The following CTNNA2 variants were observed in gnomAD, a reference collection of about 807,000 sequenced individuals.
CTNNA2 encodes catenin alpha-2.
In CTNNA2, 42 loss-of-function variants were observed where a neutral mutation model predicts 101.0. The ratio of observed to expected loss-of-function variants is 0.42; its 90% confidence interval spans 0.32 to 0.54. The LOEUF (loss-of-function observed/expected upper bound fraction) is 0.54. Among genes scored for constraint, CTNNA2 ranks in the 20% least tolerant of loss-of-function variants. The pLI is 0.14. For missense variants in CTNNA2, 871 were observed against 1,223.1 expected (o/e 0.71, Z 4.29); for synonymous variants, 450 against 456.4 (o/e 0.99, Z 0.18).
At chr2:80,378,122 C>G (rs563868739) in intron 7 of CTNNA2, among the ~76,000 whole-genome samples, 1 of 151,888 alleles carries the variant, frequency 6.6e-6, no homozygotes, top group African/African-American at 2.4e-5. Flanking sequence ...TTTGGTAGGC[C>G]GAGGTGGGCG....
At chr2:80,104,201 C>T (rs536023384) in intron 7 of CTNNA2, among the ~76,000 whole-genome samples, 26 of 152,310 alleles carry the variant, frequency 1.7e-4, no homozygotes, top group Admixed American at 4.6e-4. Flanking sequence ...TAGCTCCGCT[C>T]AAGAGTTGGT....
At chr2:79,343,806 T>C (rs934167971) in intron 3 of CTNNA2, among the ~76,000 whole-genome samples, 1 of 152,068 alleles carries the variant, frequency 6.6e-6, no homozygotes, top group Admixed American at 6.6e-5. Context: ...TTTCTGAACC[T>C]AACTCTTCAG....
chr2:80,062,906 C>T (rs1283824880), intron 7 of CTNNA2, among the ~76,000 whole-genome samples: 1 of 151,936 alleles, frequency 6.6e-6, no homozygotes, highest in African/African-American at 2.4e-5. Flanking sequence ...GGGGTTTCAC[C>T]GTGTTAGCTA....
intron 2 of CTNNA2, among the ~76,000 whole-genome samples, chr2:79,274,755 A>C (rs1355435026): frequency 6.6e-6 from 1 of 152,068 alleles, no homozygotes; most frequent in Non-Finnish European, 1.5e-5. Context: ...ATATAGATTT[A>C]ATAAAAATTT....
chr2:80,510,847 C>G (rs957988342), intron 9 of CTNNA2, among the ~76,000 whole-genome samples: 38 of 152,224 alleles, frequency 2.5e-4, no homozygotes, highest in African/African-American at 9.1e-4. Context: ...GTCCTCTACC[C>G]CTTGTTCCAC....
At chr2:80,072,714 A>G (rs2148782459) in intron 7 of CTNNA2, among the ~76,000 whole-genome samples, 1 of 152,256 alleles carries the variant, frequency 6.6e-6, no homozygotes, top group East Asian at 1.9e-4. Context: ...TCAGTGAATT[A>G]TTGTGGGCAA....
In CTNNA2 at chr2:80,647,831, G is replaced by A. The variant is rs751260243; in HGVS notation, c.2821G>A (p.Val941Ile). The part of the protein sequence containing the change: ...RGSQKKHISP[V>I]QALSEFKAMD... ...TTCTCAGAAGAAACACATTTCGCCT[G>A]TACAGGCTTTAAGTGAATTCAAAGC... The change falls in exon 19 of 19, where the codon GTA (valine) becomes ATA (isoleucine). Residue 941 changes from valine to isoleucine, a missense_variant. Coordinates refer to ENST00000402739, the MANE Select transcript of CTNNA2 (RefSeq NM_001282597.3). The A allele has an allele frequency of 1.4e-5, 22 of 1,612,974 alleles. No homozygotes were observed. The highest frequency in any genetic ancestry group is 1.6e-5 in the Non-Finnish European group (19 of 1,179,224).
intron 9 of CTNNA2, among the ~76,000 whole-genome samples, chr2:80,467,988 A>C (rs937364116): frequency 1.3e-5 from 2 of 152,202 alleles, no homozygotes; most frequent in Non-Finnish European, 2.9e-5. Context: ...ATACAAACAT[A>C]ATAGAATATA....
intron 7 of CTNNA2, among the ~76,000 whole-genome samples, chr2:79,948,063 A>C (rs578005985): frequency 6.6e-6 from 1 of 152,352 alleles, no homozygotes; most frequent in Admixed American, 6.5e-5. Flanking sequence ...CACACAGCAG[A>C]GTGCCTTATG....
At position 79,605,429 on chromosome 2, in the gene CTNNA2, C is replaced by T. The variant is rs183843831; in HGVS notation, c.-5-46123C>T. 3.3e-5 allele frequency among the ~76,000 whole-genome samples: 5 copies of T among 151,068 alleles called. No homozygotes were observed. In the East Asian group the frequency reaches 5.8e-4, roughly 18 times the overall value. On this transcript the variant is annotated intron_variant, in intron 1 of 18. Coordinates refer to ENST00000402739, the MANE Select transcript of CTNNA2 (RefSeq NM_001282597.3). The stretch of plus-strand genomic sequence containing the variant: ...CTGAATTTGATGAAGACTATAAAAC[C>T]GGAGATCAAAGAAGTGAAACAAACT...
At chr2:79,945,825 A>G (rs769285958) in intron 7 of CTNNA2, among the ~76,000 whole-genome samples, 3 of 152,156 alleles carry the variant, frequency 2.0e-5, no homozygotes, top group Non-Finnish European at 4.4e-5. Context: ...CCAAGAATCC[A>G]ATGGTCAAGA....
At chr2:79,941,086 C>T (rs542580822) in intron 7 of CTNNA2, among the ~76,000 whole-genome samples, 1 of 152,310 alleles carries the variant, frequency 6.6e-6, no homozygotes, top group East Asian at 1.9e-4. Context: ...TTTGTGGCTG[C>T]CAGGTCCAGC....
chr2:79,317,389 T>C (rs919835523), intron 3 of CTNNA2, among the ~76,000 whole-genome samples: 1 of 152,056 alleles, frequency 6.6e-6, no homozygotes, highest in African/African-American at 2.4e-5. Context: ...TATCTTTGTC[T>C]GAATTTAGTA....
chr2:79,732,123 A>G (rs1043836309), intron 2 of CTNNA2, among the ~76,000 whole-genome samples: 2 of 152,052 alleles, frequency 1.3e-5, no homozygotes, highest in African/African-American at 4.8e-5. Context: ...TTCATTCTCA[A>G]TAATTCTTTT....
chr2:79,580,077 A>G (rs1676055085), intron 1 of CTNNA2, among the ~76,000 whole-genome samples: 1 of 152,174 alleles, frequency 6.6e-6, no homozygotes, highest in Non-Finnish European at 1.5e-5. Context: ...TCCTATGGTC[A>G]AGAGGTGTCC....
At chr2:79,312,669 C>G (rs564444834) in intron 2 of CTNNA2, 1 of 152,282 alleles carries the variant, frequency 6.6e-6, no homozygotes, top group Admixed American at 6.5e-5. Flanking sequence ...ACAGGTGTTC[C>G]ACACCCAGCT....
chr2:79,654,166 T>C (rs893204051), intron 2 of CTNNA2, among the ~76,000 whole-genome samples: 2 of 152,346 alleles, frequency 1.3e-5, no homozygotes, highest in East Asian at 3.9e-4. Flanking sequence ...ATTATGCTTC[T>C]CAAAATTCTT....
intron 2 of CTNNA2, among the ~76,000 whole-genome samples, chr2:79,296,150 A>G (rs547217213): frequency 6.6e-6 from 1 of 152,244 alleles, no homozygotes; most frequent in East Asian, 1.9e-4. Flanking sequence ...TTATCCTCAG[A>G]TGACCTAAAA....
At chr2:79,258,748 C>G (rs2104283246) in intron 2 of CTNNA2, among the ~76,000 whole-genome samples, 1 of 149,470 alleles carries the variant, frequency 6.7e-6, no homozygotes, top group African/African-American at 2.5e-5. Context: ...ATTTCTACTC[C>G]AAGTCCTCCT....
Sources: gnomAD v4.1 joint callset for allele counts (sites outside exome capture counted in the v4.1 genomes callset) on GRCh38, gnomAD v4.1.1 for gene constraint, MANE v1.5 for transcripts, NCBI Gene and HGNC (gene_info 2026-07-23, HGNC 2026-07-21) for gene names.